RHBDD1: variants seen among roughly 807,000 people sequenced by gnomAD.
RHBDD1 encodes rhomboid-related protein 4.
In RHBDD1, 38 loss-of-function variants were observed where a neutral mutation model predicts 36.3. The observed-to-expected ratio is 1.05, with a 90% confidence interval of 0.81 to 1.37. The LOEUF (loss-of-function observed/expected upper bound fraction) is 1.37. Ranked by LOEUF, RHBDD1 falls within the 40% of genes most tolerant of loss-of-function variation. The pLI is 0.00. For synonymous variants in RHBDD1, 151 were observed against 136.5 expected (o/e 1.11, Z -0.74); for missense variants, 393 against 377.6 (o/e 1.04, Z -0.34).
intron 3 of RHBDD1, among the ~76,000 whole-genome samples, chr2:226,848,961 T>A (rs1202393193): frequency 6.6e-6 from 1 of 152,198 alleles, no homozygotes; most frequent in African/African-American, 2.4e-5. Context: ...GGCTCGTGGT[T>A]TGGCTTTTTG....
intron 3 of RHBDD1, among the ~76,000 whole-genome samples, chr2:226,848,286 G>A (rs1164714695): frequency 6.6e-6 from 1 of 152,160 alleles, no homozygotes; most frequent in Non-Finnish European, 1.5e-5. Context: ...TTTACATAGT[G>A]AGATTTTCTA....
intron 8 of RHBDD1, among the ~76,000 whole-genome samples, chr2:226,969,321 C>T (rs868194728): frequency 2.0e-5 from 3 of 150,776 alleles, no homozygotes; most frequent in Non-Finnish European, 4.4e-5. Flanking sequence ...TGAAAAACAT[C>T]CCTGTATATA....
At chr2:226,899,475 CA>C (rs1200303360) in intron 5 of RHBDD1, among the ~76,000 whole-genome samples, 2 of 152,102 alleles carry the variant, frequency 1.3e-5, no homozygotes, top group East Asian at 3.9e-4. Context: ...GTCCACTGGA[CA>C]AAAAATAATG....
intron 8 of RHBDD1, among the ~76,000 whole-genome samples, chr2:226,915,493 C>T (rs965917455): frequency 1.3e-5 from 2 of 152,152 alleles, no homozygotes; most frequent in African/African-American, 4.8e-5. Flanking sequence ...CTGCATGGGA[C>T]ACTGATGTGG....
At chr2:226,889,267 G>A (rs930501579) in intron 5 of RHBDD1, among the ~76,000 whole-genome samples, 1 of 152,196 alleles carries the variant, frequency 6.6e-6, no homozygotes, top group African/African-American at 2.4e-5. Context: ...GACTGCCCAA[G>A]TAATGAGAGA....
chr2:226,832,681 A>G (rs534161100), upstream of RHBDD1, among the ~76,000 whole-genome samples: 1 of 152,290 alleles, frequency 6.6e-6, no homozygotes, highest in African/African-American at 2.4e-5. Context: ...TATCTTCTCA[A>G]TGTATTGACC....
intron 5 of RHBDD1, among the ~76,000 whole-genome samples, chr2:226,886,663 TTAAAAAC>T (rs1450725828): frequency 1.3e-5 from 2 of 152,160 alleles, no homozygotes; most frequent in African/African-American, 4.8e-5. Flanking sequence ...AATAATGACT[TTAAAAAC>T]TGAACGTGAA....
intron 8 of RHBDD1, among the ~76,000 whole-genome samples, chr2:226,977,486 C>T (rs888419110): frequency 3.3e-5 from 5 of 152,072 alleles, no homozygotes; most frequent in African/African-American, 1.2e-4. Flanking sequence ...GTTGGAAAGG[C>T]GAGCAAAGTT....
At chr2:226,991,074 A>G (rs963196636) in intron 8 of RHBDD1, among the ~76,000 whole-genome samples, 1 of 152,252 alleles carries the variant, frequency 6.6e-6, no homozygotes, top group Admixed American at 6.5e-5. Flanking sequence ...TATTTCTCAG[A>G]AGACAGATAT....
At chr2:226,860,970 T>C (rs1168714796) in intron 3 of RHBDD1, among the ~76,000 whole-genome samples, 1 of 152,194 alleles carries the variant, frequency 6.6e-6, no homozygotes, top group Non-Finnish European at 1.5e-5. Context: ...TTATTTGCTG[T>C]ACCTCCAGTG....
chr2:226,847,206 A>AT (rs1258358426), intron 3 of RHBDD1, among the ~76,000 whole-genome samples: 1 of 152,076 alleles, frequency 6.6e-6, no homozygotes, highest in Non-Finnish European at 1.5e-5. Context: ...ATTTGAGCAA[A>AT]TTTTTTCATT....
chr2:226,961,876 C>A (rs902498363), intron 8 of RHBDD1, among the ~76,000 whole-genome samples: 4 of 152,172 alleles, frequency 2.6e-5, no homozygotes, highest in African/African-American at 9.7e-5. Flanking sequence ...TTGTGATCCC[C>A]ATTTTTTAGG....
At position 226,914,244 on chromosome 2, in the gene RHBDD1, G is replaced by A. The variant is rs1401409385; in HGVS notation, c.749G>A (p.Arg250Lys). Residue 250 changes from arginine to lysine, a missense_variant, in exon 8 of 9, where the codon AGG becomes AAG. Coordinates refer to ENST00000392062, the MANE Select transcript of RHBDD1 (RefSeq NM_001167608.3). ...TATCAGGATTATTATCCGCATGGCA[G>A]GCCAGATCACTATGAAGAAGCACCC... The part of the protein sequence containing the change: ...SGYQDYYPHG[R>K]PDHYEEAPRN... The A allele has an allele frequency of 5.6e-6, 9 of 1,613,834 alleles. No individual in the cohort carries two copies. The East Asian group carries it at 2.0e-4, about 36-fold the overall frequency.
At chr2:226,975,767 TATG>T (rs1263672993) in intron 8 of RHBDD1, among the ~76,000 whole-genome samples, 3 of 152,208 alleles carry the variant, frequency 2.0e-5, no homozygotes, top group Non-Finnish European at 4.4e-5. Context: ...TATTAAAAGT[TATG>T]ATGATGCTTA....
intron 8 of RHBDD1, among the ~76,000 whole-genome samples, chr2:226,987,478 CAGTCTCCAGAGA>C (rs2149515899): frequency 6.6e-6 from 1 of 152,352 alleles, no homozygotes; most frequent in Admixed American, 6.5e-5. Context: ...GGACAGGCAA[CAGTCTCCAGAGA>C]AGCTGCTCAG....
At chr2:226,990,835 T>C (rs1958024974) in intron 8 of RHBDD1, among the ~76,000 whole-genome samples, 1 of 152,212 alleles carries the variant, frequency 6.6e-6, no homozygotes, top group Non-Finnish European at 1.5e-5. Context: ...AATTGAGGGC[T>C]GACCTCCATT....
chr2:226,918,505 T>C (rs866041959), intron 8 of RHBDD1, among the ~76,000 whole-genome samples: 6 of 152,024 alleles, frequency 3.9e-5, no homozygotes, highest in Admixed American at 2.6e-4. Flanking sequence ...CTTTTCACTC[T>C]CTATCTCCAT....
intron 8 of RHBDD1, among the ~76,000 whole-genome samples, chr2:226,943,842 C>T (rs563082400): frequency 6.6e-6 from 1 of 152,300 alleles, no homozygotes; most frequent in African/African-American, 2.4e-5. Flanking sequence ...TTTCATCCCC[C>T]TTTGGTAGCC....
chr2:226,887,149 C>A (rs532752589), intron 5 of RHBDD1, among the ~76,000 whole-genome samples: 9 of 152,098 alleles, frequency 5.9e-5, no homozygotes, highest in Non-Finnish European at 1.3e-4. Context: ...TTTTTCTGTT[C>A]TAAGACTGTT....
Sources: allele counts gnomAD v4.1 joint callset (sites outside exome capture counted in the v4.1 genomes callset), GRCh38; gene constraint gnomAD v4.1.1; transcripts MANE v1.5; gene names NCBI Gene and HGNC (gene_info 2026-07-23, HGNC 2026-07-21).